EML4: variants seen among roughly 807,000 people sequenced by gnomAD.
EML4 encodes the protein EMAP like 4.
In EML4, 72 loss-of-function variants were observed where a neutral mutation model predicts 129.0. The ratio of observed to expected loss-of-function variants is 0.56; its 90% CI spans 0.46 to 0.68. The LOEUF (loss-of-function observed/expected upper bound fraction) is 0.68. Ranked by LOEUF, EML4 falls within the 30% of genes least tolerant of loss-of-function variation. The pLI is 0.00. For missense variants in EML4, 1,363 were observed against 1,190.6 expected, an observed-to-expected ratio of 1.14 and a Z score of -2.13; for synonymous variants, 532 against 405.0, an observed-to-expected ratio of 1.31 and a Z score of -3.77.
intron 2 of EML4, among the ~76,000 whole-genome samples, chr2:42,246,085 T>G (rs138127925): frequency 6.6e-6 from 1 of 152,362 alleles, no homozygotes; most frequent in African/African-American, 2.4e-5. Flanking sequence ...CATCATAGTT[T>G]AAATAGCTTT....
intron 1 of EML4, among the ~76,000 whole-genome samples, chr2:42,198,512 C>G (rs1456018427): frequency 6.6e-6 from 1 of 151,882 alleles, no homozygotes; most frequent in Non-Finnish European, 1.5e-5. Flanking sequence ...CAAGCCTGGT[C>G]TTATGGGCAA....
intron 1 of EML4, among the ~76,000 whole-genome samples, chr2:42,229,345 A>G (rs1381161484): frequency 1.3e-5 from 2 of 152,192 alleles, no homozygotes; most frequent in African/African-American, 4.8e-5. Flanking sequence ...TTGCCTGGGT[A>G]TATAGTTACT....
intron 13 of EML4, among the ~76,000 whole-genome samples, chr2:42,296,995 T>C (rs1667996617): frequency 6.6e-6 from 1 of 152,216 alleles, no homozygotes; most frequent in African/African-American, 2.4e-5. Flanking sequence ...ATGTCTAAGC[T>C]TGGCAGTTGA....
intron 1 of EML4, among the ~76,000 whole-genome samples, chr2:42,212,233 G>C (rs1031124574): frequency 1.3e-5 from 2 of 152,118 alleles, no homozygotes; most frequent in Non-Finnish European, 2.9e-5. Context: ...CTGATCATCT[G>C]TTAAGATAAA....
intron 17 of EML4, among the ~76,000 whole-genome samples, chr2:42,311,949 A>G (rs1668977083): frequency 1.3e-5 from 2 of 152,160 alleles, no homozygotes; most frequent in South Asian, 2.1e-4. Context: ...TGTTCAAGCA[A>G]TCCTCCTGCC....
intron 11 of EML4, among the ~76,000 whole-genome samples, chr2:42,294,576 G>T (rs536521889): frequency 6.6e-6 from 1 of 152,046 alleles, no homozygotes; most frequent in East Asian, 1.9e-4. Flanking sequence ...GGCGCCTGTG[G>T]TCCCAGCTAC....
intron 19 of EML4, among the ~76,000 whole-genome samples, chr2:42,321,240 G>C (rs960158975): frequency 1.3e-5 from 2 of 151,916 alleles, no homozygotes; most frequent in Admixed American, 6.6e-5. Flanking sequence ...AAAATTAGCC[G>C]GGCGTGGTGG....
chr2:42,208,802 T>TTG (rs917956620), intron 1 of EML4, among the ~76,000 whole-genome samples: 1 of 151,838 alleles, frequency 6.6e-6, no homozygotes, highest in African/African-American at 2.4e-5. Context: ...TGGCTTTTTT[T>TTG]TTTTTCAGAC....
At chr2:42,261,889 A>AG (rs747351340) in intron 4 of EML4, among the ~76,000 whole-genome samples, 4 of 152,182 alleles carry the variant, frequency 2.6e-5, no homozygotes, top group Non-Finnish European at 5.9e-5. Context: ...AGTTATGAGA[A>AG]GGGGAAAAGG....
rs77692682 is a variant in EML4, at chr2:42,283,678, T to C, written c.941+706T>C. ...GATGACTATTATAATATTATATAGA[T>C]ATTGAACTTTTGGAGTTGATTAAAA... On this transcript the variant is annotated intron_variant, in intron 8 of 22. Coordinates refer to ENST00000318522, the MANE Select transcript of EML4 (RefSeq NM_019063.5). 1.3e-3 allele frequency among the ~76,000 whole-genome samples: 200 copies of C among 152,306 alleles called. 2 individuals are homozygous for C. The East Asian group carries it at 0.035, about 27-fold the overall frequency.
At chr2:42,228,405 A>G (rs185203858) in intron 1 of EML4, among the ~76,000 whole-genome samples, 173 of 152,222 alleles carry the variant, frequency 1.1e-3, no homozygotes, top group Admixed American at 3.7e-3. Flanking sequence ...TGATTGATAG[A>G]TTTCCTCTGG....
intron 1 of EML4, among the ~76,000 whole-genome samples, chr2:42,193,280 A>C (rs552917206): frequency 6.6e-6 from 1 of 152,224 alleles, no homozygotes; most frequent in Non-Finnish European, 1.5e-5. Flanking sequence ...GTGTAAGTAC[A>C]TTCTGTGATT....
chr2:42,275,601 T>G (rs536105108), intron 6 of EML4, among the ~76,000 whole-genome samples: 12 of 152,204 alleles, frequency 7.9e-5, no homozygotes, highest in Admixed American at 3.3e-4. Flanking sequence ...CTTTAATAAT[T>G]AAACTACTCT....
At chr2:42,311,477 C>G (rs13391906) in intron 17 of EML4, among the ~76,000 whole-genome samples, 18,956 of 152,030 alleles carry the variant, frequency 0.12, 1,193 homozygotes, top group East Asian at 0.18. Context: ...CACCTGAGAG[C>G]CTGGGAGGTT....
chr2:42,297,178 A>G (rs1484109785), intron 13 of EML4, among the ~76,000 whole-genome samples: 1 of 152,228 alleles, frequency 6.6e-6, no homozygotes, highest in Non-Finnish European at 1.5e-5. Context: ...AGTTACAACA[A>G]CAATATATTA....
chr2:42,277,994 G>A (rs371532521), intron 6 of EML4, among the ~76,000 whole-genome samples: 2 of 152,150 alleles, frequency 1.3e-5, no homozygotes, highest in South Asian at 2.1e-4. Flanking sequence ...TCCTTAGGTC[G>A]TTTAAGTCAT....
intron 19 of EML4, chr2:42,319,722 T>C (rs988738346): frequency 6.6e-6 from 1 of 152,222 alleles, no homozygotes. Flanking sequence ...CTGGAGTTTA[T>C]AATAGTTCGT....
chr2:42,170,020 A>G (rs1170155764), intron 1 of EML4: 1 of 191,638 alleles, frequency 5.2e-6, no homozygotes. Flanking sequence ...TCTTCAGGGT[A>G]CAACCTTCCA....
At chr2:42,173,205 G>A (rs950379250) in intron 1 of EML4, among the ~76,000 whole-genome samples, 1 of 152,086 alleles carries the variant, frequency 6.6e-6, no homozygotes, top group South Asian at 2.1e-4. Context: ...TAATAGTCTT[G>A]CTTTCTTAAA....
Sources: gnomAD v4.1 joint callset for allele counts (sites outside exome capture counted in the v4.1 genomes callset) on GRCh38, gnomAD v4.1.1 for gene constraint, MANE v1.5 for transcripts, NCBI Gene and HGNC (gene_info 2026-07-23, HGNC 2026-07-21) for gene names.